The following MGAT4C variants were observed in gnomAD, a reference collection of about 807,000 sequenced individuals.
MGAT4C encodes the protein alpha-1,3-mannosyl-glycoprotein 4-beta-N-acetylglucosaminyltransferase C.
Under a neutral mutation model 40.1 loss-of-function variants are expected in MGAT4C, and 19 were observed. The observed-to-expected ratio is 0.47, with a 90% confidence interval of 0.33 to 0.70. The LOEUF is 0.70. Among genes scored for constraint, MGAT4C ranks in the 30% least tolerant of loss-of-function variants. MGAT4C has a pLI of 0.02. For synonymous variants in MGAT4C, 181 were observed against 187.1 expected (o/e 0.97, Z 0.27); for missense variants, 491 against 563.2 (o/e 0.87, Z 1.30).
intron 1 of MGAT4C, among the ~76,000 whole-genome samples, chr12:86,248,145 C>T (rs1221771309): frequency 1.3e-5 from 2 of 152,060 alleles, no homozygotes; most frequent in Non-Finnish European, 2.9e-5. Context: ...CTTTAGTGGA[C>T]ATCTCAAGCA....
chr12:86,185,340 C>G (rs991761963), intron 1 of MGAT4C, among the ~76,000 whole-genome samples: 1 of 152,184 alleles, frequency 6.6e-6, no homozygotes, highest in South Asian at 2.1e-4. Flanking sequence ...ATATGGTATA[C>G]ACAAAATATG....
rs79781784 is a variant in MGAT4C at position 86,102,337 on chromosome 12, T to C, written c.-56-52614A>G. On this transcript the variant is annotated intron_variant, in intron 1 of 4. Transcript: ENST00000611864. ...AGCTGTTCTAGTGATCTTAAGTATT[T>C]CTTTTTACTTAAGAAAAATTACTTT... Among the ~76,000 whole-genome samples the C allele has an allele frequency of 6.5e-3, 987 of 152,158 alleles. 33 individuals carry two copies. In the South Asian group the frequency reaches 0.11, roughly 18 times the overall value.
At chr12:86,319,430 T>C (rs7954754) in intron 4 of MGAT4C, among the ~76,000 whole-genome samples, 17,758 of 152,120 alleles carry the variant, frequency 0.12, 2,619 homozygotes, top group African/African-American at 0.33. Flanking sequence ...AAAGAAGCAG[T>C]GAATAATTCC....
chr12:86,539,030 T>C (rs181579533), intron 2 of MGAT4C, among the ~76,000 whole-genome samples: 1 of 152,180 alleles, frequency 6.6e-6, no homozygotes, highest in Non-Finnish European at 1.5e-5. Flanking sequence ...AACTTTTTTT[T>C]AATTATTATT....
At chr12:86,565,985 A>G (rs1254933402) in intron 2 of MGAT4C, among the ~76,000 whole-genome samples, 7 of 152,162 alleles carry the variant, frequency 4.6e-5, no homozygotes, top group African/African-American at 7.2e-5. Flanking sequence ...AGCAGCAGAC[A>G]GCAGCACTGA....
chr12:85,983,762 T>C, intron 3 of MGAT4C, 92 bp from the exon 4 acceptor site: 2 of 1,025,814 alleles, frequency 1.9e-6, no homozygotes, highest in Non-Finnish European at 2.8e-6. Flanking sequence ...AATGTACGAC[T>C]ACAATATATA....
rs561617623 is a variant in MGAT4C at position 86,304,753 on chromosome 12, TA to T, written c.-57+29311del. Among the ~76,000 whole-genome samples, 5 of 150,788 alleles carry T rather than the reference TA, an allele frequency of 3.3e-5. No homozygotes were observed. In the South Asian group the frequency reaches 1.0e-3, roughly 31 times the overall value. ...TAATCCAATATGACAGATGTCCTTA[TA>T]AAAAGAGAAGAGATGCAGACACATG... On this transcript the variant is annotated intron_variant, in intron 4 of 7. Coordinates refer to the MGAT4C transcript ENST00000548651.
intron 3 of MGAT4C, among the ~76,000 whole-genome samples, chr12:86,376,995 A>C (rs1039263321): frequency 1.6e-4 from 24 of 150,340 alleles, no homozygotes; most frequent in Admixed American, 4.0e-4. Context: ...ATTTTTCTAC[A>C]TTTCATTATA....
chr12:86,758,956 T>C (rs1951352860), intron 1 of MGAT4C, among the ~76,000 whole-genome samples: 1 of 152,040 alleles, frequency 6.6e-6, no homozygotes, highest in Non-Finnish European at 1.5e-5. Flanking sequence ...ACTCTACTCA[T>C]CCTACTATTC....
At chr12:86,441,326 T>G (rs1957222383) in intron 2 of MGAT4C, among the ~76,000 whole-genome samples, 1 of 132,476 alleles carries the variant, frequency 7.5e-6, no homozygotes, top group South Asian at 2.2e-4. Flanking sequence ...AACCAACTGA[T>G]TTTTTTTATT....
chr12:86,364,751 G>A (rs1955556307), intron 3 of MGAT4C, among the ~76,000 whole-genome samples: 1 of 152,072 alleles, frequency 6.6e-6, no homozygotes, highest in Admixed American at 6.6e-5. Context: ...TGCCCCCTGA[G>A]CCATAAAACC....
chr12:86,592,715 C>CT (rs1382839743), intron 2 of MGAT4C, among the ~76,000 whole-genome samples: 1 of 152,084 alleles, frequency 6.6e-6, no homozygotes, highest in African/African-American at 2.4e-5. Flanking sequence ...AGACTGGGGT[C>CT]TTTTGCTTAT....
intron 2 of MGAT4C, among the ~76,000 whole-genome samples, chr12:86,449,612 C>G (rs1193109607): frequency 6.6e-6 from 1 of 152,124 alleles, no homozygotes; most frequent in Non-Finnish European, 1.5e-5. Flanking sequence ...CGACTCTTCT[C>G]ACTTCTGTCA....
At chr12:86,299,929 A>C (rs1384160338) in intron 4 of MGAT4C, among the ~76,000 whole-genome samples, 1 of 152,238 alleles carries the variant, frequency 6.6e-6, no homozygotes, top group East Asian at 1.9e-4. Context: ...AAGAATCTGC[A>C]ACAAAAATCA....
chr12:86,572,146 T>G (rs1960393707), intron 2 of MGAT4C, among the ~76,000 whole-genome samples: 1 of 152,172 alleles, frequency 6.6e-6, no homozygotes, highest in Non-Finnish European at 1.5e-5. Flanking sequence ...ACTTGAAGAA[T>G]TGTTTTAAGA....
chr12:86,138,617 CATAT>C (rs1490733823), intron 1 of MGAT4C, among the ~76,000 whole-genome samples: 2 of 143,520 alleles, frequency 1.4e-5, no homozygotes, highest in Non-Finnish European at 3.0e-5. Context: ...ATAGATATAT[CATAT>C]ATATATTTCC....
intron 2 of MGAT4C, among the ~76,000 whole-genome samples, chr12:86,563,927 C>A (rs1174126480): frequency 1.3e-5 from 2 of 152,276 alleles, no homozygotes; most frequent in East Asian, 1.9e-4. Flanking sequence ...CTGGCAGAAT[C>A]CCCACATTGG....
chr12:86,689,389 C>T (rs760900822), intron 2 of MGAT4C, among the ~76,000 whole-genome samples: 7 of 152,042 alleles, frequency 4.6e-5, no homozygotes, highest in East Asian at 3.9e-4. Flanking sequence ...CCCTGGCTGG[C>T]GAAGAGTTGT....
At chr12:86,559,082 T>C (rs1959746537) in intron 2 of MGAT4C, among the ~76,000 whole-genome samples, 1 of 151,108 alleles carries the variant, frequency 6.6e-6, no homozygotes, top group Admixed American at 6.6e-5. Flanking sequence ...TCAAAAACTG[T>C]AGAAAAAAAA....
Sources: allele counts gnomAD v4.1 joint callset (sites outside exome capture counted in the v4.1 genomes callset), GRCh38; gene constraint gnomAD v4.1.1; transcripts MANE v1.5; gene names NCBI Gene and HGNC (gene_info 2026-07-23, HGNC 2026-07-21).